CDC42: variants seen among roughly 807,000 people sequenced by gnomAD.
CDC42 encodes the protein cell division control protein 42 homolog.
In CDC42, 1 loss-of-function variant was observed where a neutral mutation model predicts 20.8. That is an observed-to-expected ratio of 0.05 (90% CI 0.02 to 0.23). CDC42 has a LOEUF of 0.23. Among genes scored for constraint, CDC42 ranks in the 10% least tolerant of loss-of-function variants. CDC42 has a pLI of 1.00. For missense variants in CDC42, 49 were observed against 227.9 expected, an observed-to-expected ratio of 0.21 and a Z score of 5.05; for synonymous variants, 72 against 84.8, an observed-to-expected ratio of 0.85 and a Z score of 0.83.
rs1389473171 is a variant in CDC42 at position 22,092,119 on chromosome 1, T to G, written c.*602T>G. 6.6e-6 allele frequency: 1 copy of G among 152,556 alleles called. No homozygotes were observed. Among genetic ancestry groups the G allele is most frequent in the Non-Finnish European group, 1.5e-5 (1 of 68,036 alleles). 9.5% of individuals were successfully genotyped at this position (152,556 alleles called of 1,614,324 possible). A position where few individuals can be genotyped will look rare whatever the true frequency, so the allele number is the denominator to read the frequency against. On this transcript the variant is annotated 3_prime_UTR_variant, in exon 6 of 6. Transcript: ENST00000656825. ...CTGGTGCTCTTAGGAAGGAGTATAG[T>G]AAATGCCTCATTTAATAACATACTC...
At chr1:22,070,873 G>A (rs936697114) in intron 1 of CDC42, among the ~76,000 whole-genome samples, 2 of 152,018 alleles carry the variant, frequency 1.3e-5, no homozygotes, top group Non-Finnish European at 2.9e-5. Flanking sequence ...GGATAGACAC[G>A]TCAGGTTATA....
At chr1:22,078,194 G>A (rs912269177) in intron 1 of CDC42, among the ~76,000 whole-genome samples, 4 of 152,034 alleles carry the variant, frequency 2.6e-5, no homozygotes, top group African/African-American at 7.3e-5. Context: ...CACCACTTTG[G>A]ACCTTTTAAA....
intron 2 of CDC42, among the ~76,000 whole-genome samples, chr1:22,080,767 T>A (rs1645598948): frequency 6.6e-6 from 1 of 152,190 alleles, no homozygotes; most frequent in Non-Finnish European, 1.5e-5. Context: ...TAGCATATGC[T>A]TTACTGAATT....
At position 22,071,979 on chromosome 1, in the gene CDC42, G is replaced by A. The variant is rs577257177; in HGVS notation, c.-50-6450G>A. On this transcript the variant is annotated intron_variant, in intron 1 of 5. Coordinates refer to ENST00000656825, the MANE Select transcript of CDC42 (RefSeq NM_001791.4). ...CAGCAGCTACAAATGCAGTGCCTAGGCTACCTATACCTCTGCCCAGTAGAC... is the reference window on the plus strand; with the variant it reads ...CAGCAGCTACAAATGCAGTGCCTAGACTACCTATACCTCTGCCCAGTAGAC... Among the ~76,000 whole-genome samples the A allele has an allele frequency of 2.6e-5, 4 of 152,072 alleles. No individual in the cohort carries two copies. The East Asian group carries it at 7.7e-4, about 29-fold the overall frequency.
intron 1 of CDC42, among the ~76,000 whole-genome samples, chr1:22,071,038 T>TTTC (rs1553194528): frequency 1.0e-4 from 8 of 77,904 alleles, no homozygotes; most frequent in African/African-American, 4.9e-4. Context: ...ATTTCTTTTT[T>TTTC]TTTCTTTCTT....
intron 3 of CDC42, among the ~76,000 whole-genome samples, chr1:22,082,881 A>AT (rs5772985): frequency 7.5e-5 from 11 of 146,926 alleles, no homozygotes; most frequent in Non-Finnish European, 7.4e-5. Context: ...GAAAATTTTT[A>AT]TTTTTTTTTT....
intron 1 of CDC42, among the ~76,000 whole-genome samples, chr1:22,061,027 AG>A (rs1645356758): frequency 6.6e-6 from 1 of 152,220 alleles, no homozygotes; most frequent in African/African-American, 2.4e-5. Context: ...AGATGAGGGT[AG>A]GGGATAATTT....
In CDC42 at chr1:22,093,802, CAG is replaced by C. The variant is rs1645737713; in HGVS notation, c.*2286_*2287del. Among the ~76,000 whole-genome samples the C allele has an allele frequency of 6.6e-6, 1 of 152,134 alleles. No homozygotes were observed. Among genetic ancestry groups the C allele is most frequent in the Non-Finnish European group, 1.5e-5 (1 of 68,028 alleles). On this transcript the variant is annotated 3_prime_UTR_variant, in exon 6 of 6. Transcript: ENST00000656825. ...GGGACATATGTATCCTTAGTGTAGT[CAG>C]GGGCGTATAGGTCCTTGACTATTGC...
chr1:22,093,276 C>T lies in CDC42; in HGVS notation c.*1759C>T, dbSNP rs1557910291. Among the ~76,000 whole-genome samples the T allele has an allele frequency of 6.6e-6, 1 of 152,138 alleles. No individual in the cohort carries two copies. Among genetic ancestry groups the T allele is most frequent in the East Asian group, 1.9e-4 (1 of 5,194 alleles). On this transcript the variant is annotated 3_prime_UTR_variant, in exon 6 of 6. Coordinates refer to ENST00000656825, the MANE Select transcript of CDC42 (RefSeq NM_001791.4). Reference sequence around the variant, plus strand: ...ATCCATAGATCATTGAAAAGCAGCTCATTTTCCCCCAAGTTTTCTGCATCA... The same window carrying T: ...ATCCATAGATCATTGAAAAGCAGCTTATTTTCCCCCAAGTTTTCTGCATCA...
At chr1:22,080,340 G>C (rs1037386356) in intron 2 of CDC42, among the ~76,000 whole-genome samples, 1 of 152,166 alleles carries the variant, frequency 6.6e-6, no homozygotes, top group African/African-American at 2.4e-5. Flanking sequence ...AAAATAATCT[G>C]TTTGGTTTGA....
chr1:22,084,335 G>GTTTTTTTTTTTTTTTT (rs61584354), intron 3 of CDC42, among the ~76,000 whole-genome samples: 22 of 80,696 alleles, frequency 2.7e-4, no homozygotes, highest in South Asian at 5.1e-4. Flanking sequence ...CTTATTTCCT[G>GTTTTTTTTTTTTTTTT]TTTTTTTTTT....
chr1:22,086,954 A>G, intron 5 of CDC42, 88 bp downstream of exon 5: 1 of 1,092,412 alleles, frequency 9.2e-7, no homozygotes. Context: ...AACAGTGATC[A>G]GCAGTGCTCA....
chr1:22,071,442 C>T (rs1453200881), intron 1 of CDC42, among the ~76,000 whole-genome samples: 1 of 152,188 alleles, frequency 6.6e-6, no homozygotes, highest in Non-Finnish European at 1.5e-5. Context: ...GCAAACAAGA[C>T]AGTTTGTTAG....
In CDC42 at chr1:22,069,475, C is replaced by T. The variant is rs140898972; in HGVS notation, c.-50-8954C>T. Among the ~76,000 whole-genome samples the T allele has an allele frequency of 4.8e-4, 72 of 150,680 alleles. No individual in the cohort carries two copies. In the East Asian group the frequency reaches 0.01, roughly 21 times the overall value. On this transcript the variant is annotated intron_variant, in intron 1 of 5. Transcript: ENST00000656825. The stretch of plus-strand genomic sequence containing the variant: ...ATAGGCGTGAGCCACCACGCTTGGC[C>T]GAAACAGGGTCTTGTTCTCTTACCC...
At chr1:22,069,742 C>T (rs2152828753) in intron 1 of CDC42, among the ~76,000 whole-genome samples, 1 of 150,762 alleles carries the variant, frequency 6.6e-6, no homozygotes, top group South Asian at 2.1e-4. Flanking sequence ...GTTGGGATTA[C>T]AGGCGTGAGC....
chr1:22,059,249 C>T (rs1645336830), intron 1 of CDC42: 1 of 152,162 alleles, frequency 6.6e-6, no homozygotes, highest in African/African-American at 2.4e-5. Context: ...CCTCCACCTC[C>T]CTAGTAGCTG....
intron 1 of CDC42, among the ~76,000 whole-genome samples, chr1:22,070,418 C>T (rs1006924886): frequency 1.3e-4 from 19 of 147,616 alleles, no homozygotes; most frequent in Admixed American, 1.2e-3. Flanking sequence ...CTTCCTCCTT[C>T]CTTTGTTGTC....
In CDC42 at chr1:22,091,794, T is replaced by TTTTTA; in HGVS notation, c.*281_*282insATTTT. The TTTTTA allele has an allele frequency of 6.4e-6, 1 of 156,662 alleles. No homozygotes were observed. The allele number at this position is 156,662 out of a possible 1,614,324, so 9.7% of individuals were successfully genotyped here. On this transcript the variant is annotated 3_prime_UTR_variant, in exon 6 of 6. Coordinates refer to ENST00000656825, the MANE Select transcript of CDC42 (RefSeq NM_001791.4). ...AAAAAAAAATTTTTGTGTGTGTGTG[T>TTTTTA]TTTTTTTTTTTTTTTTTTTGTTGTT...
chr1:22,082,723 A>G (rs1408059227), intron 3 of CDC42, among the ~76,000 whole-genome samples: 2 of 152,186 alleles, frequency 1.3e-5, no homozygotes, highest in Non-Finnish European at 2.9e-5. Context: ...TGAAATGGAG[A>G]GACAGTAAAG....
Sources: gnomAD v4.1 joint callset for allele counts (sites outside exome capture counted in the v4.1 genomes callset) on GRCh38, gnomAD v4.1.1 for gene constraint, MANE v1.5 for transcripts, NCBI Gene and HGNC (gene_info 2026-07-23, HGNC 2026-07-21) for gene names.